Variants in CDH12 observed in about 807,000 individuals in gnomAD.
CDH12 encodes the protein cadherin-12.
A neutral mutation model predicts 74.1 loss-of-function variants in CDH12; 41 were observed. The observed-to-expected ratio is 0.55, with a 90% CI of 0.43 to 0.72. CDH12 has a LOEUF of 0.72. CDH12 is among the 30% of genes least tolerant of loss of function. CDH12 has a pLI of 0.00. For synonymous variants in CDH12, 399 were observed against 355.0 expected (o/e 1.12, Z -1.39); for missense variants, 945 against 977.2 (o/e 0.97, Z 0.44).
chr5:21,951,541 C>A (rs1421018384), intron 6 of CDH12, among the ~76,000 whole-genome samples: 2 of 152,200 alleles, frequency 1.3e-5, no homozygotes, highest in East Asian at 1.9e-4. Flanking sequence ...AGTCATCGTG[C>A]CCAGCTAAGA....
At chr5:22,742,400 C>T (rs765522737) in intron 1 of CDH12, among the ~76,000 whole-genome samples, 19 of 151,892 alleles carry the variant, frequency 1.3e-4, no homozygotes, top group African/African-American at 2.4e-4. Flanking sequence ...GACAAAAAAG[C>T]GAAATAAGAC....
At chr5:22,366,933 T>C (rs1296600601) in intron 3 of CDH12, among the ~76,000 whole-genome samples, 1 of 152,198 alleles carries the variant, frequency 6.6e-6, no homozygotes, top group East Asian at 1.9e-4. Flanking sequence ...TAACCTTCAA[T>C]TTTGTCTTTA....
intron 1 of CDH12, among the ~76,000 whole-genome samples, chr5:22,717,990 A>C (rs1743670002): frequency 6.6e-6 from 1 of 152,156 alleles, no homozygotes; most frequent in African/African-American, 2.4e-5. Context: ...CTGTGTGTTT[A>C]ATTTGTAAGT....
chr5:21,817,896 G>A (rs1411662203), intron 8 of CDH12, among the ~76,000 whole-genome samples: 1 of 151,814 alleles, frequency 6.6e-6, no homozygotes, highest in Non-Finnish European at 1.5e-5. Flanking sequence ...TACTGAATCA[G>A]CAAAACTTAG....
chr5:22,086,517 T>TTTTGTTTG (rs371758444), intron 4 of CDH12, among the ~76,000 whole-genome samples: 25 of 151,172 alleles, frequency 1.7e-4, no homozygotes, highest in African/African-American at 5.9e-4. Flanking sequence ...CTAATTTGTT[T>TTTTGTTTG]TTTGTTTGTT....
chr5:22,334,056 T>C (rs1435928224), intron 3 of CDH12, among the ~76,000 whole-genome samples: 1 of 152,144 alleles, frequency 6.6e-6, no homozygotes, highest in Non-Finnish European at 1.5e-5. Context: ...TCTCTTCTCT[T>C]AGATCCGGAA....
chr5:22,340,525 C>A (rs75706015), intron 3 of CDH12, among the ~76,000 whole-genome samples: 446 of 130,334 alleles, frequency 3.4e-3, no homozygotes, highest in South Asian at 4.8e-3. Context: ...GACTCCGTCT[C>A]AAAAAAAAAA....
chr5:21,979,440 A>G lies in CDH12; in HGVS notation c.232-4055T>C, dbSNP rs180783537. On this transcript the variant is annotated intron_variant, in intron 5 of 14. Transcript: ENST00000382254. ...AAAATGAGATGCCAAAGAAGGCTTA[A>G]AAAAGATACCCTGCTCCAGCTTCAG... Among the ~76,000 whole-genome samples, 87 of 152,288 alleles carry G rather than the reference A, an allele frequency of 5.7e-4. 1 individual carries two copies. The East Asian group carries it at 0.016, about 29-fold the overall frequency.
At chr5:21,792,599 T>C (rs74610100) in intron 10 of CDH12, among the ~76,000 whole-genome samples, 1 of 11,416 alleles carries the variant, frequency 8.8e-5, no homozygotes, top group Non-Finnish European at 5.4e-4. Flanking sequence ...TCCTCTGCCC[T>C]TTTTTTTTTT....
At chr5:22,462,450 C>A (rs766106860) in intron 2 of CDH12, among the ~76,000 whole-genome samples, 1 of 152,102 alleles carries the variant, frequency 6.6e-6, no homozygotes, top group Non-Finnish European at 1.5e-5. Flanking sequence ...AGGAGAGTTT[C>A]CATTTTTGAA....
intron 5 of CDH12, among the ~76,000 whole-genome samples, chr5:21,976,448 A>T (rs888668533): frequency 2.0e-5 from 3 of 151,118 alleles, no homozygotes; most frequent in African/African-American, 7.3e-5. Context: ...AAATAAATAT[A>T]TACATAAAAT....
intron 3 of CDH12, among the ~76,000 whole-genome samples, chr5:22,320,649 T>C (rs1392654676): frequency 6.6e-6 from 1 of 152,228 alleles, no homozygotes. Flanking sequence ...TTTAACTTCA[T>C]ATCAGAAAGA....
chr5:22,266,967 T>C (rs1016080415), intron 3 of CDH12, among the ~76,000 whole-genome samples: 3 of 152,186 alleles, frequency 2.0e-5, no homozygotes, highest in Non-Finnish European at 2.9e-5. Context: ...TACACTGTCC[T>C]GCATTTTCCT....
At chr5:22,177,898 T>C (rs1245429271) in intron 4 of CDH12, among the ~76,000 whole-genome samples, 2 of 152,178 alleles carry the variant, frequency 1.3e-5, no homozygotes, top group African/African-American at 2.4e-5. Flanking sequence ...TTACTAAACA[T>C]AGCATGGTGA....
chr5:22,477,324 G>A (rs111666612), intron 2 of CDH12, among the ~76,000 whole-genome samples: 28,363 of 152,046 alleles, frequency 0.19, 3,512 homozygotes, highest in Admixed American at 0.4. Context: ...ACTTGTAAGT[G>A]AGAACATGTG....
chr5:22,793,976 C>T (rs548452793), intron 1 of CDH12, among the ~76,000 whole-genome samples: 12 of 152,244 alleles, frequency 7.9e-5, no homozygotes, highest in Non-Finnish European at 1.2e-4. Flanking sequence ...AATCTTCATA[C>T]CTCCTATGTT....
At chr5:22,254,973 A>T (rs1365787522) in intron 3 of CDH12, among the ~76,000 whole-genome samples, 1 of 151,848 alleles carries the variant, frequency 6.6e-6, no homozygotes, top group Non-Finnish European at 1.5e-5. Context: ...GCTACCAAAC[A>T]CTGGATCTAA....
intron 3 of CDH12, among the ~76,000 whole-genome samples, chr5:22,308,337 C>T (rs1198830244): frequency 6.6e-6 from 1 of 152,030 alleles, no homozygotes; most frequent in African/African-American, 2.4e-5. Context: ...CAGACATTTC[C>T]CTAAGGATCA....
intron 3 of CDH12, among the ~76,000 whole-genome samples, chr5:22,344,984 T>C (rs982927122): frequency 3.9e-5 from 6 of 152,202 alleles, no homozygotes; most frequent in Admixed American, 3.9e-4. Flanking sequence ...TTTCCCAAGG[T>C]GAGCCATTTC....
Sources: gnomAD v4.1 joint callset for allele counts (sites outside exome capture counted in the v4.1 genomes callset) on GRCh38, gnomAD v4.1.1 for gene constraint, MANE v1.5 for transcripts, NCBI Gene and HGNC (gene_info 2026-07-23, HGNC 2026-07-21) for gene names.